The following RYR2 variants were observed in gnomAD, a reference collection of about 807,000 sequenced individuals.
RYR2 encodes cardiac muscle ryanodine receptor-calcium release channel.
Under a neutral mutation model 601.1 loss-of-function variants are expected in RYR2, and 227 were observed. The observed-to-expected ratio is 0.38, with a 90% CI of 0.34 to 0.42. The LOEUF is 0.42. Ranked by LOEUF, RYR2 falls within the 10% of genes least tolerant of loss-of-function variation. RYR2 has a pLI of 1.00. For missense variants in RYR2, 4,646 were observed against 6,156.5 expected, an observed-to-expected ratio of 0.75 and a Z score of 8.21; for synonymous variants, 2,223 against 2,175.1, an observed-to-expected ratio of 1.02 and a Z score of -0.61.
chr1:237,443,846 A>T (rs1708114388), intron 13 of RYR2, among the ~76,000 whole-genome samples: 1 of 152,226 alleles, frequency 6.6e-6, no homozygotes, highest in Admixed American at 6.5e-5. Flanking sequence ...CTAGTCTGCC[A>T]TGAAAGGTAG....
chr1:237,107,866 C>T (rs1213486104), intron 1 of RYR2, among the ~76,000 whole-genome samples: 1 of 152,242 alleles, frequency 6.6e-6, no homozygotes. Context: ...CTCCCTCCTT[C>T]CCTGGGGTTC....
intron 34 of RYR2, 146 bp from the exon 35 acceptor site, chr1:237,601,879 T>G: frequency 1.6e-6 from 1 of 618,868 alleles, no homozygotes; most frequent in Non-Finnish European, 2.8e-6. Flanking sequence ...ATACTCTAAT[T>G]CTTGAAGGAG....
chr1:237,510,632 G>A (rs757339932), intron 23 of RYR2, among the ~76,000 whole-genome samples: 1 of 152,016 alleles, frequency 6.6e-6, no homozygotes, highest in African/African-American at 2.4e-5. Flanking sequence ...TAAAAAAAAA[G>A]CTCACTCATG....
At chr1:237,190,968 C>T (rs1006638105) in intron 1 of RYR2, among the ~76,000 whole-genome samples, 7 of 152,146 alleles carry the variant, frequency 4.6e-5, no homozygotes, top group Admixed American at 6.5e-5. Context: ...CTTTTGGTGT[C>T]GTATCCAAGA....
intron 40 of RYR2, among the ~76,000 whole-genome samples, chr1:237,626,436 C>CT (rs1030286907): frequency 8.6e-5 from 13 of 151,434 alleles, no homozygotes; most frequent in African/African-American, 2.4e-4. Context: ...TTTTACAGCA[C>CT]TTTTTTTTGA....
intron 10 of RYR2, among the ~76,000 whole-genome samples, chr1:237,406,754 A>G (rs1198106889): frequency 1.3e-5 from 2 of 152,194 alleles, no homozygotes; most frequent in Admixed American, 1.3e-4. Context: ...TTACAGGAAA[A>G]TTGAGCAGAA....
chr1:237,237,155 A>G (rs999057008), intron 1 of RYR2, among the ~76,000 whole-genome samples: 6 of 152,136 alleles, frequency 3.9e-5, no homozygotes, highest in Non-Finnish European at 2.9e-5. Context: ...CTCCCCAGCC[A>G]TGCTGAACTG....
chr1:237,393,587 G>A (rs1403888122), intron 10 of RYR2, among the ~76,000 whole-genome samples: 1 of 152,194 alleles, frequency 6.6e-6, no homozygotes, highest in Non-Finnish European at 1.5e-5. Context: ...AATGGTCAAG[G>A]ATAAAGTTTA....
intron 1 of RYR2, among the ~76,000 whole-genome samples, chr1:237,155,500 A>T (rs1326503955): frequency 6.6e-6 from 1 of 152,078 alleles, no homozygotes; most frequent in African/African-American, 2.4e-5. Flanking sequence ...GGGAAATTAG[A>T]TTCCATTTTG....
chr1:237,548,328 G>A, intron 25 of RYR2, 103 bp from the exon 26 acceptor site: 2 of 1,255,550 alleles, frequency 1.6e-6, no homozygotes, highest in Non-Finnish European at 2.2e-6. Context: ...TACCACTGTG[G>A]TTTATGGAAG....
intron 29 of RYR2, among the ~76,000 whole-genome samples, chr1:237,569,971 AC>A (rs1219951323): frequency 6.6e-6 from 1 of 152,116 alleles, no homozygotes; most frequent in Non-Finnish European, 1.5e-5. Flanking sequence ...TAATCCCAGC[AC>A]TTTGGGAGGC....
intron 1 of RYR2, among the ~76,000 whole-genome samples, chr1:237,121,290 G>C (rs1434991492): frequency 6.6e-6 from 1 of 152,108 alleles, no homozygotes; most frequent in African/African-American, 2.4e-5. Flanking sequence ...GATGAAACGG[G>C]GAAAGGAAGA....
chr1:237,751,167 T>TAAA (rs1692505826), intron 80 of RYR2, among the ~76,000 whole-genome samples: 1 of 152,234 alleles, frequency 6.6e-6, no homozygotes, highest in South Asian at 2.1e-4. Flanking sequence ...TCCCAAGTTT[T>TAAA]CTTCTTGTTC....
Position 237,417,259 on chromosome 1 carries a change from A to G in RYR2, c.848+136A>G. The G allele has an allele frequency of 6.2e-6, 4 of 648,552 alleles. No individual in the cohort carries two copies. The South Asian group carries it at 8.1e-5, about 13-fold the overall frequency. 40.2% of individuals were successfully genotyped at this position (648,552 alleles called of 1,614,324 possible). On this transcript the variant is annotated intron_variant, in intron 11 of 104. Coordinates refer to ENST00000366574, the MANE Select transcript of RYR2 (RefSeq NM_001035.3). The stretch of plus-strand genomic sequence containing the variant: ...AGGAAACACCGAGAAAGTGGTGGAC[A>G]GTTTCTCTTTTGTCTATTTCCTTCC...
At chr1:237,817,896 C>G (rs907954705) in intron 100 of RYR2, among the ~76,000 whole-genome samples, 5 of 152,120 alleles carry the variant, frequency 3.3e-5, no homozygotes, top group African/African-American at 1.2e-4. Context: ...GTCAGGGTAT[C>G]TGGAACAGTC....
chr1:237,649,933 C>A lies in RYR2; in HGVS notation c.7569C>A (p.Ala2523=), dbSNP rs748943528. 3 of 1,613,966 alleles carry A rather than the reference C, an allele frequency of 1.9e-6. No homozygotes were observed. The South Asian group carries it at 3.3e-5, about 18-fold the overall frequency. The change falls in exon 50 of 105, where the codon GCC becomes GCA. Residue 2523 remains alanine (A), a synonymous_variant. Transcript: ENST00000366574. ...ALALNRYLCT[A]VLPLLTRCAP... The stretch of plus-strand genomic sequence containing the variant: ...CCCTCAATCGGTACCTTTGCACAGC[C>A]GTCTTGCCATTGTTAACAAGATGTG...
At chr1:237,612,381 T>C (rs1187664830) in intron 36 of RYR2, among the ~76,000 whole-genome samples, 1 of 152,168 alleles carries the variant, frequency 6.6e-6, no homozygotes, top group Non-Finnish European at 1.5e-5. Context: ...TTAATATACA[T>C]AAACTATTAA....
chr1:237,145,194 A>G (rs564095657), intron 1 of RYR2, among the ~76,000 whole-genome samples: 2 of 152,172 alleles, frequency 1.3e-5, no homozygotes, highest in East Asian at 3.9e-4. Flanking sequence ...CGTTTTGCAC[A>G]TGTACCCCAG....
chr1:237,232,013 A>G (rs1291862426), intron 1 of RYR2, among the ~76,000 whole-genome samples: 1 of 152,188 alleles, frequency 6.6e-6, no homozygotes, highest in Non-Finnish European at 1.5e-5. Flanking sequence ...CTAGTGAATT[A>G]ATTTTAGGTA....
Sources: allele counts gnomAD v4.1 joint callset (sites outside exome capture counted in the v4.1 genomes callset), GRCh38; gene constraint gnomAD v4.1.1; transcripts MANE v1.5; gene names NCBI Gene and HGNC (gene_info 2026-07-23, HGNC 2026-07-21).